The following ANKFN1 variants were observed in gnomAD, a reference collection of about 807,000 sequenced individuals.
ANKFN1 encodes ankyrin repeat and fibronectin type III domain containing 1.
ANKFN1 carries 74 observed loss-of-function variants against 108.7 expected under a neutral mutation model. The ratio of observed to expected loss-of-function variants is 0.68; its 90% CI spans 0.56 to 0.83. The LOEUF (loss-of-function observed/expected upper bound fraction) is 0.83. ANKFN1 is among the 40% of genes least tolerant of loss of function. The pLI, the probability that ANKFN1 is intolerant of heterozygous loss-of-function variation, is 0.00. For synonymous variants in ANKFN1, 547 were observed against 516.2 expected (o/e 1.06, Z -0.81); for missense variants, 1,505 against 1,382.3 (o/e 1.09, Z -1.41).
intron 1 of ANKFN1, among the ~76,000 whole-genome samples, chr17:56,205,955 A>C (rs1045568752): frequency 1.3e-5 from 2 of 152,052 alleles, no homozygotes; most frequent in African/African-American, 4.8e-5. Context: ...TCATCACCTC[A>C]AAGCATGCTT....
At chr17:56,105,711 C>CTGTGTGTGTGTGTGTGTGTGTG (rs147924842) in intron 4 of ANKFN1, among the ~76,000 whole-genome samples, 1 of 144,544 alleles carries the variant, frequency 6.9e-6, no homozygotes, top group African/African-American at 2.6e-5. Context: ...GTTTTTTTGT[C>CTGTGTGTGTGTGTGTGTGTGTG]TGTGTGTGTG....
chr17:56,480,920 T>A lies in ANKFN1; in HGVS notation c.2091+102T>A, dbSNP rs2050675671. Reference sequence around the variant, plus strand: ...GTGTGTGTGTGTGTGTGTGTGTGTGTGTAAATTTTCCTTTACTTAAACACC... The same window carrying A: ...GTGTGTGTGTGTGTGTGTGTGTGTGAGTAAATTTTCCTTTACTTAAACACC... On this transcript the variant is annotated intron_variant, in intron 17 of 20. Coordinates refer to ENST00000682825, the MANE Select transcript of ANKFN1 (RefSeq NM_001370326.1). 3 of 630,706 alleles carry A rather than the reference T, an allele frequency of 4.8e-6. No individual in the cohort carries two copies. The East Asian group carries it at 2.1e-4, about 44-fold the overall frequency. The allele number at this position is 630,706 out of a possible 1,614,324, so 39.1% of individuals were successfully genotyped here.
intron 8 of ANKFN1, among the ~76,000 whole-genome samples, chr17:56,388,672 C>G (rs945433826): frequency 7.2e-5 from 11 of 151,800 alleles, no homozygotes; most frequent in Non-Finnish European, 1.5e-4. Context: ...TACCTTTTTT[C>G]TCTTCTACTT....
At chr17:56,396,383 G>A (rs991071460) in intron 8 of ANKFN1, among the ~76,000 whole-genome samples, 1 of 152,204 alleles carries the variant, frequency 6.6e-6, no homozygotes, top group Non-Finnish European at 1.5e-5. Context: ...AGGAGGCGGA[G>A]GTTGCAGTGA....
intron 4 of ANKFN1, among the ~76,000 whole-genome samples, chr17:56,093,706 T>C (rs1230261861): frequency 6.6e-6 from 1 of 151,172 alleles, no homozygotes; most frequent in Non-Finnish European, 1.5e-5. Flanking sequence ...CAAGGTGAAG[T>C]TCCGTATTTA....
intron 3 of ANKFN1, among the ~76,000 whole-genome samples, chr17:56,236,051 T>TTTTC (rs1053549169): frequency 3.9e-5 from 6 of 151,942 alleles, no homozygotes; most frequent in Non-Finnish European, 5.9e-5. Context: ...TTTTCTTTTC[T>TTTTC]TTTCTTTCTT....
At chr17:56,213,312 A>G (rs1915167281) in intron 2 of ANKFN1, among the ~76,000 whole-genome samples, 1 of 152,178 alleles carries the variant, frequency 6.6e-6, no homozygotes, top group South Asian at 2.1e-4. Context: ...TTAACACAGG[A>G]ACCCCGGTCT....
At chr17:56,237,719 A>G (rs1274994747) in intron 3 of ANKFN1, among the ~76,000 whole-genome samples, 2 of 151,568 alleles carry the variant, frequency 1.3e-5, no homozygotes, top group Non-Finnish European at 2.9e-5. Flanking sequence ...ATTAATTTTT[A>G]TAACAAACCA....
chr17:56,445,964 G>A (rs1346726503), intron 10 of ANKFN1, among the ~76,000 whole-genome samples: 1 of 152,056 alleles, frequency 6.6e-6, no homozygotes, highest in Non-Finnish European at 1.5e-5. Flanking sequence ...GTTTATTCCT[G>A]TCAGGTTCCT....
chr17:56,319,940 T>C (rs1337804918), intron 3 of ANKFN1, among the ~76,000 whole-genome samples: 1 of 152,264 alleles, frequency 6.6e-6, no homozygotes, highest in East Asian at 1.9e-4. Context: ...ATACATATTA[T>C]GTATTATTTC....
intron 3 of ANKFN1, among the ~76,000 whole-genome samples, chr17:56,296,778 G>A (rs1451551212): frequency 6.6e-6 from 1 of 152,226 alleles, no homozygotes; most frequent in Non-Finnish European, 1.5e-5. Flanking sequence ...CCACTGCTGA[G>A]TGTCATTGGT....
intron 3 of ANKFN1, among the ~76,000 whole-genome samples, chr17:56,318,164 T>G (rs2144490933): frequency 6.6e-6 from 1 of 152,280 alleles, no homozygotes; most frequent in South Asian, 2.1e-4. Context: ...GCAATTAACC[T>G]TCATATAACC....
At chr17:56,383,108 A>T (rs1769929139) in intron 8 of ANKFN1, among the ~76,000 whole-genome samples, 1 of 152,208 alleles carries the variant, frequency 6.6e-6, no homozygotes, top group South Asian at 2.1e-4. Context: ...ATGTAAAAGA[A>T]TAGAAATTAT....
In ANKFN1 at chr17:56,054,683, G is replaced by A. The variant is rs559688410; in HGVS notation, c.288+8358G>A. Among the ~76,000 whole-genome samples the A allele has an allele frequency of 4.2e-3, 641 of 152,176 alleles. 5 individuals are homozygous for A. Among genetic ancestry groups the A allele is most frequent in the African/African-American group, 0.014 (585 of 41,518 alleles). On this transcript the variant is annotated intron_variant, in intron 4 of 12. Coordinates refer to the ANKFN1 transcript ENST00000635860. ...TCCTAGCACTTTTGGAGTCTGAGGCGGGTGGATCACTTGAGTCTAGGGGTT... is the reference window on the plus strand; with the variant it reads ...TCCTAGCACTTTTGGAGTCTGAGGCAGGTGGATCACTTGAGTCTAGGGGTT...
At chr17:56,443,640 C>G (rs1310935919) in intron 10 of ANKFN1, among the ~76,000 whole-genome samples, 1 of 152,212 alleles carries the variant, frequency 6.6e-6, no homozygotes. Flanking sequence ...CAGCATTCTG[C>G]TACAAACCCA....
intron 1 of ANKFN1, among the ~76,000 whole-genome samples, chr17:56,184,341 A>G (rs1229970812): frequency 1.3e-5 from 2 of 152,214 alleles, no homozygotes; most frequent in South Asian, 4.1e-4. Context: ...AAAGGTTAAG[A>G]CTTGCTGAAG....
chr17:56,224,348 C>T lies in ANKFN1; in HGVS notation c.13-3569C>T, dbSNP rs1040028166. ...CATAGCATTAAGTAAGTAAAATTAACATAAAATAGAATTAATTCAAAATTC... is the reference window on the plus strand; with the variant it reads ...CATAGCATTAAGTAAGTAAAATTAATATAAAATAGAATTAATTCAAAATTC... On this transcript the variant is annotated intron_variant, in intron 2 of 20. Coordinates refer to ENST00000682825, the MANE Select transcript of ANKFN1 (RefSeq NM_001370326.1). 5.3e-5 allele frequency among the ~76,000 whole-genome samples: 8 copies of T among 152,188 alleles called. No homozygotes were observed. In the East Asian group the frequency reaches 1.5e-3, roughly 29 times the overall value.
intron 17 of ANKFN1, among the ~76,000 whole-genome samples, chr17:56,481,998 A>G (rs1038703064): frequency 6.6e-6 from 1 of 152,064 alleles, no homozygotes; most frequent in East Asian, 1.9e-4. Flanking sequence ...TTGGCCAGAA[A>G]CTACGTTTTT....
intron 1 of ANKFN1, among the ~76,000 whole-genome samples, chr17:56,163,705 C>T (rs111978609): frequency 6.6e-6 from 1 of 152,204 alleles, no homozygotes; most frequent in African/African-American, 2.4e-5. Context: ...CAGAGGCCTG[C>T]CCATCAATGG....
Sources: allele counts gnomAD v4.1 joint callset (sites outside exome capture counted in the v4.1 genomes callset), GRCh38; gene constraint gnomAD v4.1.1; transcripts MANE v1.5; gene names NCBI Gene and HGNC (gene_info 2026-07-23, HGNC 2026-07-21).